Variants in PCDHA1 observed in about 807,000 individuals in gnomAD.
PCDHA1 encodes the protein protocadherin alpha 1, also known as protocadherin alpha-1.
PCDHA1 carries 42 observed loss-of-function variants against 61.3 expected under a neutral mutation model. The ratio of observed to expected loss-of-function variants is 0.69; its 90% CI spans 0.54 to 0.89. PCDHA1 has a LOEUF of 0.89. Ranked by LOEUF, PCDHA1 falls within the 40% of genes least tolerant of loss-of-function variation. The pLI is 0.00. For synonymous variants in PCDHA1, 610 were observed against 553.8 expected (o/e 1.10, Z -1.43); for missense variants, 1,256 against 1,235.3 (o/e 1.02, Z -0.25).
intron 1 of PCDHA1, among the ~76,000 whole-genome samples, chr5:140,826,763 G>C (rs1554130659): frequency 6.6e-6 from 1 of 152,136 alleles, no homozygotes; most frequent in Non-Finnish European, 1.5e-5. Context: ...ATTCATATTG[G>C]AGAGTAATTG....
At position 140,787,762 on chromosome 5, in the gene PCDHA1, C is replaced by T. The variant is rs1581597181; in HGVS notation, c.1472C>T (p.Ser491Phe). Residue 491 changes from serine (S) to phenylalanine (F), a missense_variant, in exon 1 of 4, where the codon TCC becomes TTC. Transcript: ENST00000504120. ...GACGCGCAGGAGAACGCGCTGGTGT[C>T]CTATTCGCTGGTGGAACGGCGGGTG... is the stretch of plus-strand genomic sequence containing the variant. ...DADAQENALV[S>F]YSLVERRVGE... is the part of the protein sequence containing the mutation. 6.2e-7 allele frequency: 1 copy of T among 1,613,220 alleles called. No homozygotes were observed. Among genetic ancestry groups the T allele is most frequent in the East Asian group, 2.2e-5 (1 of 44,876 alleles).
At chr5:140,907,071 C>T (rs1220660624) in intron 1 of PCDHA1, among the ~76,000 whole-genome samples, 1 of 152,156 alleles carries the variant, frequency 6.6e-6, no homozygotes, top group African/African-American at 2.4e-5. Flanking sequence ...TAGTGGGTCA[C>T]TAGGGGTGAT....
intron 1 of PCDHA1, among the ~76,000 whole-genome samples, chr5:140,840,836 TA>T (rs1554137914): frequency 6.6e-6 from 1 of 152,034 alleles, no homozygotes; most frequent in Non-Finnish European, 1.5e-5. Flanking sequence ...AAATAAATAT[TA>T]ATGCATTTCT....
chr5:140,794,270 CG>C (rs1562148068), intron 1 of PCDHA1, among the ~76,000 whole-genome samples: 1 of 152,162 alleles, frequency 6.6e-6, no homozygotes, highest in Non-Finnish European at 1.5e-5. Flanking sequence ...ATAAACAAAA[CG>C]TGGTGTATAC....
chr5:140,909,620 A>C (rs576090849), intron 1 of PCDHA1, among the ~76,000 whole-genome samples: 1 of 152,122 alleles, frequency 6.6e-6, no homozygotes. Flanking sequence ...GGCAGCTCTA[A>C]TTGGTCTTCC....
At chr5:140,830,375 G>T (rs1372928011) in intron 1 of PCDHA1, 3 of 1,614,054 alleles carry the variant, frequency 1.9e-6, no homozygotes, top group African/African-American at 2.7e-5. Flanking sequence ...GTGCTCCGGG[G>T]AGGGCCCACC....
intron 1 of PCDHA1, chr5:140,808,541 G>A (rs782256529): frequency 1.2e-6 from 2 of 1,614,166 alleles, no homozygotes; most frequent in Non-Finnish European, 1.7e-6. Flanking sequence ...GAACGACAAC[G>A]CTCCGGCGTT....
At chr5:140,925,382 C>A (rs2082461008) in intron 1 of PCDHA1, among the ~76,000 whole-genome samples, 1 of 152,078 alleles carries the variant, frequency 6.6e-6, no homozygotes, top group Non-Finnish European at 1.5e-5. Flanking sequence ...GTCAATGAGT[C>A]TCCTTTTGGC....
At chr5:140,860,671 T>G (rs1339790199) in intron 1 of PCDHA1, 4 of 152,218 alleles carry the variant, frequency 2.6e-5, no homozygotes, top group Non-Finnish European at 2.9e-5. Flanking sequence ...TGAAATCAAA[T>G]GCACTTATGT....
chr5:140,849,671 C>T (rs2150444365), intron 1 of PCDHA1: 6 of 1,598,630 alleles, frequency 3.8e-6, no homozygotes, highest in Middle Eastern at 1.7e-4. Flanking sequence ...TGACGCCCCA[C>T]GTCCCCTTCA....
intron 1 of PCDHA1, among the ~76,000 whole-genome samples, chr5:140,955,604 C>T (rs1431862665): frequency 7.2e-5 from 11 of 152,060 alleles, no homozygotes; most frequent in Non-Finnish European, 1.5e-4. Context: ...TATAAATTAC[C>T]CAGTCTCAGG....
chr5:140,918,918 C>T (rs1338973615), intron 1 of PCDHA1, among the ~76,000 whole-genome samples: 1 of 152,224 alleles, frequency 6.6e-6, no homozygotes, highest in Non-Finnish European at 1.5e-5. Context: ...ATTAACTACA[C>T]AGCATATGGC....
chr5:140,801,202 T>G, intron 1 of PCDHA1: 2 of 1,598,728 alleles, frequency 1.3e-6, no homozygotes, highest in Non-Finnish European at 1.7e-6. Flanking sequence ...CTTGCAATGT[T>G]GTTCTCCTGG....
Position 140,820,128 on chromosome 5 carries a change from A to G in PCDHA1, c.2394+31444A>G, listed in dbSNP as rs191849856. ...TTTCTTATGTTTTTAACCATTGTGT[A>G]TTAAAATATTTCAAAATTATCAGTA... is the stretch of plus-strand genomic sequence containing the variant. On this transcript the variant is annotated intron_variant, in intron 1 of 3. Transcript: ENST00000504120. Among the ~76,000 whole-genome samples the G allele has an allele frequency of 3.5e-3, 530 of 152,088 alleles. 5 individuals are homozygous for G. Among genetic ancestry groups the G allele is most frequent in the African/African-American group, 0.012 (508 of 41,552 alleles).
chr5:140,883,822 C>T, intron 1 of PCDHA1: 2 of 1,612,484 alleles, frequency 1.2e-6, no homozygotes, highest in Non-Finnish European at 1.7e-6. Flanking sequence ...GCAAGGTGTA[C>T]GCGCTGCAGC....
chr5:140,929,180 G>A, intron 1 of PCDHA1: 1 of 1,614,150 alleles, frequency 6.2e-7, no homozygotes, highest in Non-Finnish European at 8.5e-7. Context: ...CTGGGACTTG[G>A]TTCTGATAAT....
chr5:140,822,082 A>G, intron 1 of PCDHA1: 1 of 1,614,244 alleles, frequency 6.2e-7, no homozygotes, highest in Non-Finnish European at 8.5e-7. Context: ...GGAGTGCAGC[A>G]TCCACCTGGA....
intron 3 of PCDHA1, among the ~76,000 whole-genome samples, chr5:140,990,224 G>A (rs1368393390): frequency 6.6e-6 from 1 of 152,160 alleles, no homozygotes; most frequent in South Asian, 2.1e-4. Flanking sequence ...GAAGTTTATT[G>A]TAACTAGCGT....
At chr5:140,871,627 G>A (rs1448842330) in intron 1 of PCDHA1, 32 of 1,398,812 alleles carry the variant, frequency 2.3e-5, no homozygotes, top group African/African-American at 4.4e-5. Flanking sequence ...AGATAACAAT[G>A]TCTGTTCATA....
Sources: gnomAD v4.1 joint callset for allele counts (sites outside exome capture counted in the v4.1 genomes callset) on GRCh38, gnomAD v4.1.1 for gene constraint, MANE v1.5 for transcripts, NCBI Gene and HGNC (gene_info 2026-07-23, HGNC 2026-07-21) for gene names.